The following GLT1D1 variants were observed in gnomAD, a reference collection of about 807,000 sequenced individuals.
GLT1D1 encodes the protein glycosyltransferase 1 domain-containing protein 1.
Under a neutral mutation model 28.7 loss-of-function variants are expected in GLT1D1, and 21 were observed. The observed-to-expected ratio is 0.73, with a 90% CI of 0.52 to 1.05. The LOEUF (loss-of-function observed/expected upper bound fraction) is 1.05. GLT1D1 is among the 50% of genes least tolerant of loss of function. The pLI, the probability that GLT1D1 is intolerant of heterozygous loss-of-function variation, is 0.00. For synonymous variants in GLT1D1, 147 were observed against 124.8 expected (o/e 1.18, Z -1.19); for missense variants, 343 against 330.6 (o/e 1.04, Z -0.29).
At chr12:128,960,583 C>A (rs924711391) in intron 7 of GLT1D1, among the ~76,000 whole-genome samples, 1 of 151,694 alleles carries the variant, frequency 6.6e-6, no homozygotes, top group African/African-American at 2.4e-5. Flanking sequence ...CATGCAAAAC[C>A]CTGTCTCTAC....
intron 4 of GLT1D1, among the ~76,000 whole-genome samples, chr12:128,918,089 A>C (rs1163169156): frequency 6.6e-6 from 1 of 152,230 alleles, no homozygotes; most frequent in Non-Finnish European, 1.5e-5. Flanking sequence ...CTGGATAAAG[A>C]AAATGTGGTA....
chr12:128,968,881 G>A (rs899515313), intron 7 of GLT1D1, among the ~76,000 whole-genome samples: 4 of 152,026 alleles, frequency 2.6e-5, no homozygotes, highest in African/African-American at 9.7e-5. Context: ...CTCGGGCAGC[G>A]CCAGGAGCAC....
At chr12:128,891,593 C>T (rs1869064317) in intron 3 of GLT1D1, among the ~76,000 whole-genome samples, 1 of 152,180 alleles carries the variant, frequency 6.6e-6, no homozygotes, top group African/African-American at 2.4e-5. Flanking sequence ...GAATTTGGGA[C>T]ACTTCAAGTC....
intron 4 of GLT1D1, among the ~76,000 whole-genome samples, chr12:128,907,535 G>C (rs1871011900): frequency 6.6e-6 from 1 of 152,126 alleles, no homozygotes; most frequent in African/African-American, 2.4e-5. Flanking sequence ...TTGATCTCCT[G>C]ATCTTGTGAT....
At chr12:128,949,571 T>C in intron 6 of GLT1D1, among the ~76,000 whole-genome samples, 1 of 152,240 alleles carries the variant, frequency 6.6e-6, no homozygotes. Context: ...CGTTTCTTAC[T>C]GATAAACTCC....
At chr12:128,928,991 T>C (rs1006661101) in intron 4 of GLT1D1, among the ~76,000 whole-genome samples, 1 of 152,138 alleles carries the variant, frequency 6.6e-6, no homozygotes, top group African/African-American at 2.4e-5. Flanking sequence ...GATTCCTATG[T>C]TGAAACCTGT....
intron 4 of GLT1D1, chr12:128,944,352 T>A: frequency 1.2e-6 from 1 of 835,620 alleles, no homozygotes; most frequent in Non-Finnish European, 2.0e-6. Flanking sequence ...TCTTGTTGGT[T>A]TCTGTTCTGG....
At chr12:128,972,058 T>C (rs1299723747) in intron 7 of GLT1D1, among the ~76,000 whole-genome samples, 2 of 151,830 alleles carry the variant, frequency 1.3e-5, no homozygotes, top group Non-Finnish European at 2.9e-5. Flanking sequence ...CTGCCACATG[T>C]CTGAATGAGC....
chr12:128,867,853 A>G (rs1401921540), intron 1 of GLT1D1, among the ~76,000 whole-genome samples: 1 of 152,188 alleles, frequency 6.6e-6, no homozygotes, highest in Non-Finnish European at 1.5e-5. Flanking sequence ...GAGGGGGCAG[A>G]GGTCAATGGT....
chr12:128,955,011 T>C (rs553015269), intron 6 of GLT1D1, among the ~76,000 whole-genome samples: 4 of 152,268 alleles, frequency 2.6e-5, no homozygotes, highest in Non-Finnish European at 5.9e-5. Context: ...ATCTTCCCAC[T>C]ACCCTTTTGA....
intron 3 of GLT1D1, among the ~76,000 whole-genome samples, chr12:128,889,338 C>T (rs1307924689): frequency 6.6e-6 from 1 of 152,126 alleles, no homozygotes; most frequent in Non-Finnish European, 1.5e-5. Context: ...GTGGCTTAGG[C>T]CTTTTCCTTG....
intron 4 of GLT1D1, among the ~76,000 whole-genome samples, chr12:128,942,739 G>GTTTTTTTTTTTT (rs199567989): frequency 3.9e-5 from 4 of 102,482 alleles, no homozygotes; most frequent in Admixed American, 1.1e-4. Context: ...TTCTTTGTTT[G>GTTTTTTTTTTTT]TTTGTTTTTG....
chr12:128,878,538 C>T (rs111376711), intron 2 of GLT1D1, among the ~76,000 whole-genome samples: 191 of 152,242 alleles, frequency 1.3e-3, no homozygotes, highest in African/African-American at 4.0e-3. Flanking sequence ...TCTGTATATG[C>T]GGAGAGTGTT....
At chr12:128,888,794 T>A (rs752365142) in intron 3 of GLT1D1, 50 bp downstream of exon 3, 2 of 1,225,508 alleles carry the variant, frequency 1.6e-6, no homozygotes, top group Admixed American at 3.9e-5. Context: ...ACTGTGTGAA[T>A]TGAATTAATT....
intron 1 of GLT1D1, among the ~76,000 whole-genome samples, chr12:128,863,084 G>A (rs181115580): frequency 2.6e-5 from 4 of 152,272 alleles, no homozygotes; most frequent in Admixed American, 2.6e-4. Context: ...ACCTGTGTTG[G>A]TCATAGTTTT....
At chr12:128,929,908 G>T (rs1873685600) in intron 4 of GLT1D1, among the ~76,000 whole-genome samples, 1 of 152,200 alleles carries the variant, frequency 6.6e-6, no homozygotes, top group South Asian at 2.1e-4. Context: ...CCTGGGAAGC[G>T]GAGGTTGCAG....
intron 4 of GLT1D1, among the ~76,000 whole-genome samples, chr12:128,928,813 G>A (rs368664360): frequency 6.6e-5 from 10 of 151,940 alleles, no homozygotes; most frequent in Admixed American, 3.3e-4. Flanking sequence ...TAGGGACGGG[G>A]GTTTTACCAC....
intron 1 of GLT1D1, among the ~76,000 whole-genome samples, chr12:128,874,372 G>A (rs1787145092): frequency 6.6e-6 from 1 of 151,126 alleles, no homozygotes; most frequent in African/African-American, 2.4e-5. Context: ...AGTAGAGACA[G>A]GATTTCACCC....
At chr12:128,864,123 G>A in intron 1 of GLT1D1, 1 of 670,176 alleles carries the variant, frequency 1.5e-6, no homozygotes, top group Non-Finnish European at 2.7e-6. Context: ...TGCCAGCTCG[G>A]CTGGGGCAGG....
Sources: allele counts gnomAD v4.1 joint callset (sites outside exome capture counted in the v4.1 genomes callset), GRCh38; gene constraint gnomAD v4.1.1; transcripts MANE v1.5; gene names NCBI Gene and HGNC (gene_info 2026-07-23, HGNC 2026-07-21).